Variants in MAST4 observed in about 807,000 individuals in gnomAD.
MAST4 encodes the protein microtubule-associated serine/threonine-protein kinase 4.
In MAST4, 89 loss-of-function variants were observed where a neutral mutation model predicts 162.7. The observed-to-expected ratio is 0.55, with a 90% CI of 0.46 to 0.65. MAST4 has a LOEUF of 0.65. Ranked by LOEUF, MAST4 falls within the 30% of genes least tolerant of loss-of-function variation. The pLI is 0.00. For missense variants in MAST4, 3,153 were observed against 3,374.0 expected (o/e 0.93, Z 1.62); for synonymous variants, 1,479 against 1,361.1 (o/e 1.09, Z -1.91).
rs769724886 is a variant in MAST4 at position 66,841,409 on chromosome 5, TAGTC to T, written c.642+52619_642+52622del. Among the ~76,000 whole-genome samples the T allele has an allele frequency of 1.4e-4, 21 of 152,312 alleles. No individual in the cohort carries two copies. The East Asian group carries it at 3.3e-3, about 24-fold the overall frequency. On this transcript the variant is annotated intron_variant, in intron 3 of 28. Transcript: ENST00000403625. ...ATGGTAGGCAAATATCTAACTGTCTTAGTCAGTTCTGGCTGCTCTAACAAAATGG... is the reference window on the plus strand; with the variant it reads ...ATGGTAGGCAAATATCTAACTGTCTTAGTTCTGGCTGCTCTAACAAAATGG...
Position 66,861,926 on chromosome 5 carries a change from C to A in MAST4, c.643-38025C>A, listed in dbSNP as rs1388260516. On this transcript the variant is annotated intron_variant, in intron 3 of 28. Transcript: ENST00000403625. ...TAATGATGATTGGTGTGTATGTGGG[C>A]TCTTCATCTGTTTCACATAGGAACC... Among the ~76,000 whole-genome samples the A allele has an allele frequency of 2.6e-5, 4 of 152,236 alleles. No individual in the cohort carries two copies. In the East Asian group the frequency reaches 7.7e-4, roughly 29 times the overall value.
intron 1 of MAST4, among the ~76,000 whole-genome samples, chr5:66,661,720 AAAG>A (rs1367567035): frequency 6.6e-6 from 1 of 152,204 alleles, no homozygotes; most frequent in African/African-American, 2.4e-5. Context: ...AAAGACCAAA[AAAG>A]AAAACTCAAA....
rs1159626479 is a variant in MAST4, at chr5:66,986,477, C to G, written c.675-67927C>G. On this transcript the variant is annotated intron_variant, in intron 4 of 28. Transcript: ENST00000403625. ...GTCCAAATGCTGGGAGAACATCACC[C>G]CTTGGATGAATTGCCACCACATTAA... is the stretch of plus-strand genomic sequence containing the variant. 2.5e-6 allele frequency: 4 copies of G among 1,571,588 alleles called. No individual in the cohort carries two copies. In the African/African-American group the frequency reaches 4.0e-5, roughly 16 times the overall value.
chr5:67,034,856 C>G (rs1044274254), intron 4 of MAST4, among the ~76,000 whole-genome samples: 1 of 152,080 alleles, frequency 6.6e-6, no homozygotes, highest in Admixed American at 6.6e-5. Context: ...ATTGTGTGCT[C>G]TATGTGGATT....
At chr5:66,910,741 C>CTTTGTTTT (rs1763690763) in intron 4 of MAST4, among the ~76,000 whole-genome samples, 9 of 20,086 alleles carry the variant, frequency 4.5e-4, no homozygotes, top group South Asian at 2.8e-3. Context: ...TTTTTTTTTT[C>CTTTGTTTT]TTTTTTTTTT....
intron 2 of MAST4, among the ~76,000 whole-genome samples, chr5:66,768,084 T>G (rs995668531): frequency 5.9e-5 from 9 of 152,126 alleles, no homozygotes; most frequent in African/African-American, 1.9e-4. Flanking sequence ...AAATAGTCAT[T>G]AAGGAATCAG....
intron 26 of MAST4, among the ~76,000 whole-genome samples, chr5:67,155,197 G>A (rs1397160743): frequency 6.6e-6 from 1 of 152,202 alleles, no homozygotes; most frequent in African/African-American, 2.4e-5. Flanking sequence ...CAACTTCAAA[G>A]TGAACCTGCT....
chr5:67,142,572 G>T, intron 21 of MAST4, 39 bp downstream of exon 21: 1 of 1,356,164 alleles, frequency 7.4e-7, no homozygotes, highest in Non-Finnish European at 1.0e-6. Context: ...AGTCTCTCTG[G>T]GAGGATCTCC....
At chr5:66,612,800 T>A (rs1462256294) in intron 1 of MAST4, among the ~76,000 whole-genome samples, 1 of 152,210 alleles carries the variant, frequency 6.6e-6, no homozygotes, top group Non-Finnish European at 1.5e-5. Flanking sequence ...AGATTTAAAT[T>A]ATTTGGCCTA....
chr5:66,798,084 G>A (rs1228041550), intron 3 of MAST4, among the ~76,000 whole-genome samples: 1 of 152,076 alleles, frequency 6.6e-6, no homozygotes, highest in Non-Finnish European at 1.5e-5. Context: ...AATCTCCAAG[G>A]TGGAAAGCAT....
chr5:66,606,004 T>G (rs895230380), intron 1 of MAST4, among the ~76,000 whole-genome samples: 2 of 152,234 alleles, frequency 1.3e-5, no homozygotes, highest in Non-Finnish European at 2.9e-5. Flanking sequence ...ATGACAATTT[T>G]GTAACCTGCT....
chr5:66,661,176 A>G (rs534979269), intron 1 of MAST4, among the ~76,000 whole-genome samples: 35 of 152,302 alleles, frequency 2.3e-4, no homozygotes, highest in African/African-American at 8.4e-4. Flanking sequence ...TATATTCTCA[A>G]TGAAGGAAAC....
intron 1 of MAST4, among the ~76,000 whole-genome samples, chr5:66,625,476 G>T (rs1727846638): frequency 6.6e-6 from 1 of 152,160 alleles, no homozygotes; most frequent in South Asian, 2.1e-4. Context: ...TATATGAAGA[G>T]TGAATACAAC....
intron 4 of MAST4, among the ~76,000 whole-genome samples, chr5:67,045,240 T>C (rs922606404): frequency 6.6e-6 from 1 of 152,180 alleles, no homozygotes; most frequent in African/African-American, 2.4e-5. Context: ...TATCAAAAAA[T>C]TTATAGCCCA....
intron 4 of MAST4, among the ~76,000 whole-genome samples, chr5:67,046,970 C>A (rs572232833): frequency 6.6e-6 from 1 of 152,136 alleles, no homozygotes; most frequent in Non-Finnish European, 1.5e-5. Flanking sequence ...TACATTGATA[C>A]AAATATGGAA....
chr5:66,654,865 A>G (rs904317127), intron 1 of MAST4, among the ~76,000 whole-genome samples: 2 of 152,122 alleles, frequency 1.3e-5, no homozygotes, highest in Admixed American at 6.6e-5. Context: ...CAACAAGTGA[A>G]TGCATCATTT....
At chr5:66,880,650 TAGA>T (rs1761633907) in intron 3 of MAST4, among the ~76,000 whole-genome samples, 1 of 152,198 alleles carries the variant, frequency 6.6e-6, no homozygotes, top group Non-Finnish European at 1.5e-5. Context: ...GAAGGAGAAG[TAGA>T]AGACTACAGA....
intron 12 of MAST4, among the ~76,000 whole-genome samples, chr5:67,115,727 G>A (rs1766816556): frequency 6.6e-6 from 1 of 152,176 alleles, no homozygotes; most frequent in Non-Finnish European, 1.5e-5. Flanking sequence ...AATCACTTCA[G>A]GCATTACAAA....
intron 4 of MAST4, among the ~76,000 whole-genome samples, chr5:66,967,788 A>C (rs1382003229): frequency 6.6e-6 from 1 of 152,090 alleles, no homozygotes; most frequent in Admixed American, 6.5e-5. Context: ...ATATGGCCCT[A>C]AATATCAGTT....
Sources: gnomAD v4.1 joint callset for allele counts (sites outside exome capture counted in the v4.1 genomes callset) on GRCh38, gnomAD v4.1.1 for gene constraint, MANE v1.5 for transcripts, NCBI Gene and HGNC (gene_info 2026-07-23, HGNC 2026-07-21) for gene names.